The following CUBN variants were observed in gnomAD, a reference collection of about 807,000 sequenced individuals.
CUBN encodes the protein cubilin, also known as 460 kDa receptor.
A neutral mutation model predicts 405.3 loss-of-function variants in CUBN; 282 were observed. The observed-to-expected ratio is 0.70, with a 90% CI of 0.63 to 0.77. CUBN has a LOEUF of 0.77. Ranked by LOEUF, CUBN falls within the 30% of genes least tolerant of loss-of-function variation. The probability of loss-of-function intolerance (pLI) is 0.00; values close to 1 mark genes in which losing one functional copy is unlikely to be tolerated. For synonymous variants in CUBN, 1,684 were observed against 1,617.0 expected (o/e 1.04, Z -0.99); for missense variants, 4,514 against 4,475.2 (o/e 1.01, Z -0.25).
intron 6 of CUBN, among the ~76,000 whole-genome samples, chr10:17,120,418 T>C (rs1486683413): frequency 2.0e-5 from 3 of 152,218 alleles, no homozygotes; most frequent in African/African-American, 7.2e-5. Flanking sequence ...CTGATTTAAA[T>C]GCTCTGTTCT....
intron 39 of CUBN, among the ~76,000 whole-genome samples, chr10:16,934,488 A>G (rs922525156): frequency 4.6e-5 from 7 of 152,192 alleles, no homozygotes; most frequent in Middle Eastern, 3.2e-3. Flanking sequence ...GCAATTTCAC[A>G]TGGAAAATCT....
At chr10:16,918,836 G>C in intron 44 of CUBN, 36 bp from the exon 45 acceptor site, 1 of 1,570,162 alleles carries the variant, frequency 6.4e-7, no homozygotes, top group Non-Finnish European at 8.8e-7. Context: ...AATTTACATG[G>C]TCAGATGCTT....
intron 5 of CUBN, 197 bp downstream of exon 5, chr10:17,123,391 T>C (rs1837091268): frequency 3.2e-6 from 2 of 620,874 alleles, no homozygotes; most frequent in Non-Finnish European, 5.8e-6. Flanking sequence ...CTCCTTTCAA[T>C]GGCTTTAGTA....
intron 51 of CUBN, 141 bp from the exon 52 acceptor site, chr10:16,901,600 T>C (rs992363896): frequency 5.2e-6 from 6 of 1,146,060 alleles, no homozygotes; most frequent in Non-Finnish European, 7.5e-6. Flanking sequence ...ACGCCAGTAA[T>C]ACCAGCACTT....
intron 51 of CUBN, among the ~76,000 whole-genome samples, chr10:16,902,053 TATATAGGGTATATATATAC>T: frequency 7.7e-6 from 1 of 130,168 alleles, no homozygotes; most frequent in African/African-American, 2.9e-5. Flanking sequence ...ACACACACCA[TATATAGGGTATATATATAC>T]ACACACACCA....
At chr10:16,859,404 A>T (rs1452545447) in intron 59 of CUBN, among the ~76,000 whole-genome samples, 2 of 152,234 alleles carry the variant, frequency 1.3e-5, no homozygotes, top group Non-Finnish European at 2.9e-5. Flanking sequence ...ATCACATGAG[A>T]TATTAATACA....
intron 27 of CUBN, among the ~76,000 whole-genome samples, chr10:17,039,880 G>A (rs1311891249): frequency 1.3e-5 from 2 of 152,022 alleles, no homozygotes; most frequent in Non-Finnish European, 2.9e-5. Context: ...AAAAACAAGG[G>A]AATCTCCTTA....
chr10:17,032,761 A>G (rs1235993900), intron 27 of CUBN, among the ~76,000 whole-genome samples: 2 of 152,322 alleles, frequency 1.3e-5, no homozygotes, highest in East Asian at 1.9e-4. Context: ...AGAATGTTCT[A>G]TGGAATACAA....
intron 5 of CUBN, chr10:17,123,273 G>C: frequency 2.2e-6 from 1 of 454,858 alleles, no homozygotes; most frequent in Non-Finnish European, 3.9e-6. Flanking sequence ...GAGAAAATTT[G>C]CATAGGTATG....
intron 28 of CUBN, among the ~76,000 whole-genome samples, chr10:17,016,720 G>C (rs1266333057): frequency 6.6e-6 from 1 of 152,060 alleles, no homozygotes; most frequent in East Asian, 1.9e-4. Context: ...AGATTTCTTT[G>C]CTTATTTCCT....
chr10:16,869,606 C>A lies in CUBN; in HGVS notation c.9454+30G>T, dbSNP rs703075. ...TAAAGCAGAAAGGTAACAGTCCTGA[C>A]AAATAGATTTACAAGTCCAGAATTC... On this transcript the variant is annotated intron_variant, in intron 59 of 66. Transcript: ENST00000377833. The A allele has an allele frequency of 0.37, 552,796 of 1,494,126 alleles. 111,903 individuals carry two copies. Among genetic ancestry groups the A allele is most frequent in the African/African-American group, 0.83 (59,291 of 71,778 alleles). The allele number at this position is 1,494,126 out of a possible 1,614,324, so 92.6% of individuals were successfully genotyped here. A position where few individuals can be genotyped will look rare whatever the true frequency, so the allele number is the denominator to read the frequency against.
chr10:17,020,836 T>A (rs1224182782), intron 27 of CUBN, among the ~76,000 whole-genome samples: 1 of 152,230 alleles, frequency 6.6e-6, no homozygotes, highest in Non-Finnish European at 1.5e-5. Context: ...CTTTTGCTGA[T>A]ATAAATAGCT....
Position 16,906,346 on chromosome 10 carries a change from A to G in CUBN, c.7769T>C (p.Val2590Ala). The change falls in exon 50 of 67, where the codon GTC becomes GCC. Residue 2590 changes from valine to alanine, a missense_variant. This residue lies in a region of CUBN where 1,613 missense variants were observed against 1,542.8 expected (regional missense o/e 1.05). Coordinates refer to ENST00000377833, the MANE Select transcript of CUBN (RefSeq NM_001081.4). ...GTTCAGGTTTCTTGAGTAATTCCTG[A>G]CTCCGTCATAGCCAGGAGAAGTAAA... ...GNFTSPGYDG[V>A]RNYSRNLNCE... 6.2e-7 allele frequency: 1 copy of G among 1,613,932 alleles called. No homozygotes were observed. Among genetic ancestry groups the G allele is most frequent in the East Asian group, 2.2e-5 (1 of 44,878 alleles).
chr10:17,043,412 T>C (rs1412315364), intron 26 of CUBN, among the ~76,000 whole-genome samples: 1 of 152,202 alleles, frequency 6.6e-6, no homozygotes, highest in Non-Finnish European at 1.5e-5. Context: ...GAATACTATG[T>C]ACATTGGAAT....
At chr10:17,003,743 T>C (rs1032856429) in intron 28 of CUBN, among the ~76,000 whole-genome samples, 6 of 152,192 alleles carry the variant, frequency 3.9e-5, no homozygotes, top group Non-Finnish European at 8.8e-5. Flanking sequence ...GTGTCTTTGC[T>C]GAGGATTCAT....
intron 64 of CUBN, 93 bp downstream of exon 64, chr10:16,834,921 T>C (rs896971404): frequency 2.6e-6 from 3 of 1,172,422 alleles, no homozygotes; most frequent in African/African-American, 1.5e-5. Context: ...AAGAATCATA[T>C]AATATTAGCA....
At chr10:17,122,652 G>A (rs565950348) in intron 6 of CUBN, 143 bp downstream of exon 6, 23 of 682,170 alleles carry the variant, frequency 3.4e-5, no homozygotes, top group Admixed American at 9.2e-5. Context: ...CTATGTAGAC[G>A]TTAAGCAAGA....
At chr10:16,999,063 A>G (rs1426803032) in intron 28 of CUBN, among the ~76,000 whole-genome samples, 1 of 152,258 alleles carries the variant, frequency 6.6e-6, no homozygotes, top group Admixed American at 6.5e-5. Flanking sequence ...CAGTGAAAGA[A>G]TAAGTTATTG....
intron 60 of CUBN, among the ~76,000 whole-genome samples, chr10:16,847,025 C>T (rs917349347): frequency 6.6e-6 from 1 of 152,064 alleles, no homozygotes; most frequent in Non-Finnish European, 1.5e-5. Context: ...CAGCCATCAC[C>T]CTCTAGAAAG....
Sources: gnomAD v4.1 joint callset for allele counts (sites outside exome capture counted in the v4.1 genomes callset) on GRCh38, gnomAD v4.1.1 for gene constraint, gnomAD v4.1.1 regional missense constraint, MANE v1.5 for transcripts, NCBI Gene and HGNC (gene_info 2026-07-23, HGNC 2026-07-21) for gene names.